The following PREX1 variants were observed in gnomAD, a reference collection of about 807,000 sequenced individuals.
The protein encoded by PREX1 is phosphatidylinositol 3,4,5-trisphosphate-dependent Rac exchanger 1 protein.
Under a neutral mutation model 198.3 loss-of-function variants are expected in PREX1, and 41 were observed. The observed-to-expected ratio is 0.21, with a 90% confidence interval of 0.16 to 0.27. The LOEUF (loss-of-function observed/expected upper bound fraction) is 0.27. PREX1 is among the 10% of genes least tolerant of loss of function. The pLI is 1.00. For synonymous variants in PREX1, 843 were observed against 887.2 expected (o/e 0.95, Z 0.89); for missense variants, 1,620 against 2,200.7 (o/e 0.74, Z 5.28).
intron 23 of PREX1, among the ~76,000 whole-genome samples, chr20:48,650,470 T>C (rs779692175): frequency 1.2e-4 from 18 of 152,202 alleles, no homozygotes; most frequent in Non-Finnish European, 2.4e-4. Flanking sequence ...CCTTGAGGCA[T>C]TGTCTCTGCC....
chr20:48,792,205 G>A lies in PREX1; in HGVS notation c.219+35437C>T, dbSNP rs151010880. ...AAAATAAGAGCTAAGGCCAGGCGTGGTGGCTCATGCCTGTAATCCCAGCAC... is the reference window on the plus strand; with the variant it reads ...AAAATAAGAGCTAAGGCCAGGCGTGATGGCTCATGCCTGTAATCCCAGCAC... On this transcript the variant is annotated intron_variant, in intron 1 of 39. Transcript: ENST00000371941. 2.6e-3 allele frequency among the ~76,000 whole-genome samples: 398 copies of A among 152,338 alleles called. 3 individuals carry two copies. Among genetic ancestry groups the A allele is most frequent in the African/African-American group, 8.8e-3 (365 of 41,572 alleles).
chr20:48,659,547 GA>G (rs540183029), intron 16 of PREX1, among the ~76,000 whole-genome samples: 163 of 152,272 alleles, frequency 1.1e-3, no homozygotes, highest in Non-Finnish European at 2.0e-3. Flanking sequence ...GCAGTGACCA[GA>G]AACCTAACCT....
At chr20:48,653,267 C>T in intron 20 of PREX1, 94 bp downstream of exon 20, 1 of 1,525,956 alleles carries the variant, frequency 6.6e-7, no homozygotes, top group Non-Finnish European at 8.9e-7. Flanking sequence ...ACCAGTGGTA[C>T]ATGCAGGCTT....
chr20:48,823,287 C>A (rs1043868044), intron 1 of PREX1, among the ~76,000 whole-genome samples: 10 of 140,270 alleles, frequency 7.1e-5, no homozygotes, highest in African/African-American at 2.6e-4. Flanking sequence ...TCTTCTCTTT[C>A]GACCACTGCC....
chr20:48,701,861 G>A (rs531707322), intron 6 of PREX1, among the ~76,000 whole-genome samples: 20 of 152,250 alleles, frequency 1.3e-4, no homozygotes, highest in African/African-American at 3.9e-4. Flanking sequence ...GTGAGGTTCC[G>A]GGCAGCGTGG....
At position 48,754,075 on chromosome 20, in the gene PREX1, A is replaced by C. The variant is rs79024098; in HGVS notation, c.220-6195T>G. ...TCAAGAGAGACTGGTATGTGGAGAA[A>C]GGATGGGAGAGACAGGGAGAAACTG... is the stretch of plus-strand genomic sequence containing the variant. On this transcript the variant is annotated intron_variant, in intron 1 of 39. Transcript: ENST00000371941. 5.3e-5 allele frequency among the ~76,000 whole-genome samples: 8 copies of C among 152,342 alleles called. No individual in the cohort carries two copies. The East Asian group carries it at 5.8e-4, about 11-fold the overall frequency.
At chr20:48,742,605 T>C (rs1448292944) in intron 3 of PREX1, among the ~76,000 whole-genome samples, 1 of 152,004 alleles carries the variant, frequency 6.6e-6, no homozygotes, top group Non-Finnish European at 1.5e-5. Context: ...ACGTCATGAC[T>C]CTGATGGTAA....
At chr20:48,675,909 C>T (rs564128649) in intron 14 of PREX1, among the ~76,000 whole-genome samples, 4 of 152,058 alleles carry the variant, frequency 2.6e-5, no homozygotes, top group African/African-American at 4.8e-5. Flanking sequence ...TGGTGGCGTG[C>T]GCCTGTAATA....
At chr20:48,813,333 C>T (rs962122537) in intron 1 of PREX1, among the ~76,000 whole-genome samples, 5 of 152,202 alleles carry the variant, frequency 3.3e-5, no homozygotes, top group African/African-American at 1.2e-4. Flanking sequence ...TGGAGACTCT[C>T]TACTGAGGAC....
chr20:48,703,712 G>A (rs1445994504), intron 6 of PREX1, among the ~76,000 whole-genome samples: 2 of 152,304 alleles, frequency 1.3e-5, no homozygotes, highest in South Asian at 4.1e-4. Flanking sequence ...GTCCGTCTCG[G>A]GGGACCTAGG....
chr20:48,819,395 C>A (rs951046312), intron 1 of PREX1, among the ~76,000 whole-genome samples: 1 of 152,204 alleles, frequency 6.6e-6, no homozygotes, highest in Non-Finnish European at 1.5e-5. Flanking sequence ...TCCACCAGGG[C>A]TCCTTCTCCT....
At chr20:48,845,752 AAAGGCCCC>A in the PREX1 span, among the ~76,000 whole-genome samples, 3 of 151,850 alleles carry the variant, frequency 2.0e-5, no homozygotes, top group African/African-American at 7.3e-5. Flanking sequence ...TAGCAAGTGC[AAAGGCCCC>A]AAGGCTGGAC....
intron 19 of PREX1, among the ~76,000 whole-genome samples, chr20:48,654,041 G>A (rs965815943): frequency 6.6e-6 from 1 of 152,220 alleles, no homozygotes; most frequent in Non-Finnish European, 1.5e-5. Flanking sequence ...CAGACATGGG[G>A]CAATACCAGG....
rs956308420 is a variant in PREX1 at position 48,684,611 on chromosome 20, G to A, written c.1335-3276C>T. 3.9e-5 allele frequency among the ~76,000 whole-genome samples: 6 copies of A among 152,052 alleles called. No individual in the cohort carries two copies. The highest frequency in any genetic ancestry group is 3.3e-4 in the Admixed American group (5 of 15,274). Reference sequence around the variant, plus strand: ...TTTCCTGACGGCCCCTGCCAGACACGCCGCGTCATACCTGGTAACCCTGAG... The same window carrying A: ...TTTCCTGACGGCCCCTGCCAGACACACCGCGTCATACCTGGTAACCCTGAG... On this transcript the variant is annotated intron_variant, in intron 10 of 39. Coordinates refer to ENST00000371941, the MANE Select transcript of PREX1 (RefSeq NM_020820.4). This position sits in a 1 kb window ranked among gnomAD's most constrained non-coding sequence, Gnocchi z 4.2.
At chr20:48,826,526 T>C (rs1171501585) in intron 1 of PREX1, among the ~76,000 whole-genome samples, 2 of 152,148 alleles carry the variant, frequency 1.3e-5, no homozygotes, top group East Asian at 3.8e-4. Context: ...CCAGACAAGC[T>C]ACCCGGCCCC....
intron 23 of PREX1, 148 bp from the exon 24 acceptor site, chr20:48,650,354 CT>C (rs1452914842): frequency 1.2e-5 from 10 of 839,176 alleles, no homozygotes; most frequent in Non-Finnish European, 1.9e-5. Context: ...AGGGGAACCC[CT>C]GGACTGTGTT....
At chr20:48,640,530 A>G (rs1335953081) in intron 29 of PREX1, among the ~76,000 whole-genome samples, 1 of 152,096 alleles carries the variant, frequency 6.6e-6, no homozygotes, top group African/African-American at 2.4e-5. Context: ...ATCCTGAGAC[A>G]GCAGGATGTG....
intron 38 of PREX1, 30 bp from the exon 39 acceptor site, chr20:48,627,645 T>G (rs2089283224): frequency 6.2e-7 from 1 of 1,607,070 alleles, no homozygotes; most frequent in African/African-American, 1.4e-5. Flanking sequence ...GGCAGGGGCC[T>G]CTGCAGGTTC....
At chr20:48,633,313 G>A (rs997559042) in intron 33 of PREX1, among the ~76,000 whole-genome samples, 2 of 152,348 alleles carry the variant, frequency 1.3e-5, no homozygotes, top group Admixed American at 6.5e-5. Flanking sequence ...AAACTGGCTC[G>A]TGGGAAGGAG....
Sources: gnomAD v4.1 joint callset for allele counts (sites outside exome capture counted in the v4.1 genomes callset) on GRCh38, gnomAD v4.1.1 for gene constraint, Gnocchi (gnomAD v3.1) non-coding constraint, MANE v1.5 for transcripts, NCBI Gene and HGNC (gene_info 2026-07-23, HGNC 2026-07-21) for gene names.